MMD: variants seen among roughly 807,000 people sequenced by gnomAD.
MMD encodes monocyte to macrophage differentiation factor.
Under a neutral mutation model 33.6 loss-of-function variants are expected in MMD, and 22 were observed. The observed-to-expected ratio is 0.66, with a 90% CI of 0.47 to 0.94. MMD has a LOEUF of 0.94. MMD is among the 40% of genes least tolerant of loss of function. The pLI is 0.00. For synonymous variants in MMD, 97 were observed against 103.2 expected (o/e 0.94, Z 0.36); for missense variants, 242 against 309.8 (o/e 0.78, Z 1.64).
chr17:55,399,335 C>A (rs1223909876), intron 6 of MMD, among the ~76,000 whole-genome samples: 2 of 152,106 alleles, frequency 1.3e-5, no homozygotes, highest in Non-Finnish European at 2.9e-5. Context: ...TGGCCAGAAC[C>A]AAAGATTCGC....
rs534220246 is a variant in MMD at position 55,394,582 on chromosome 17, T to C, written c.517-48A>G. On this transcript the variant is annotated intron_variant, in intron 6 of 6. Transcript: ENST00000262065. ...AAAAAGGGTTTGATGTTACTCTGCA[T>C]GGCAAGCTACAGATAACTGTAATTC... The C allele has an allele frequency of 7.5e-6, 10 of 1,341,908 alleles. No homozygotes were observed. In the East Asian group the frequency reaches 1.1e-4, roughly 15 times the overall value. 83.1% of individuals were successfully genotyped at this position (1,341,908 alleles called of 1,614,324 possible).
intron 6 of MMD, among the ~76,000 whole-genome samples, 174 bp from the exon 7 acceptor site, chr17:55,394,708 A>C (rs1907038063): frequency 6.6e-6 from 1 of 152,226 alleles, no homozygotes; most frequent in Non-Finnish European, 1.5e-5. Flanking sequence ...TTATACATCG[A>C]CCTGGATTGC....
intron 3 of MMD, among the ~76,000 whole-genome samples, chr17:55,408,524 G>A (rs1907644064): frequency 6.6e-6 from 1 of 152,152 alleles, no homozygotes; most frequent in Non-Finnish European, 1.5e-5. Context: ...TGGATTAGAT[G>A]GAATTTGCCC....
rs1025720067 is a variant in MMD, at chr17:55,401,255, G to A, written c.516+214C>T. On this transcript the variant is annotated intron_variant, in intron 6 of 6. Transcript: ENST00000262065. The stretch of plus-strand genomic sequence containing the variant: ...CACAGCCTCAACCTCCTGGGCTCAA[G>A]CAATCCTCCTGCCTCAGCCTCCCAT... Among the ~76,000 whole-genome samples the A allele has an allele frequency of 2.0e-5, 3 of 152,290 alleles. No individual in the cohort carries two copies. In the South Asian group the frequency reaches 6.2e-4, roughly 32 times the overall value.
intron 1 of MMD, among the ~76,000 whole-genome samples, chr17:55,418,501 C>T (rs751047524): frequency 6.6e-6 from 1 of 152,196 alleles, no homozygotes; most frequent in South Asian, 2.1e-4. Context: ...AAGAGAACCC[C>T]GAATCTCACA....
At chr17:55,412,051 T>C (rs556196211) in intron 2 of MMD, among the ~76,000 whole-genome samples, 1 of 152,308 alleles carries the variant, frequency 6.6e-6, no homozygotes, top group East Asian at 1.9e-4. Flanking sequence ...AACTCCAACC[T>C]GGGAGGCAGA....
intron 5 of MMD, 92 bp downstream of exon 5, chr17:55,403,675 T>C: frequency 1.2e-6 from 1 of 834,850 alleles, no homozygotes; most frequent in South Asian, 1.8e-5. Context: ...TCTACTGTTT[T>C]GAAGTACAAA....
chr17:55,408,275 C>G lies in MMD; in HGVS notation c.270-455G>C, dbSNP rs192455881. Among the ~76,000 whole-genome samples, 355 of 152,274 alleles carry G rather than the reference C, an allele frequency of 2.3e-3. 1 individual carries two copies. Among genetic ancestry groups the G allele is most frequent in the African/African-American group, 8.4e-3 (348 of 41,556 alleles). On this transcript the variant is annotated intron_variant, in intron 3 of 6. Coordinates refer to ENST00000262065, the MANE Select transcript of MMD (RefSeq NM_012329.3). The stretch of plus-strand genomic sequence containing the variant: ...ACACTCCCTGAGCTGAAATCACATT[C>G]TTTGTGTCTTTTTAGAAGGTATTTA...
chr17:55,403,920 TC>T, intron 4 of MMD, 52 bp from the exon 5 acceptor site: 1 of 1,372,690 alleles, frequency 7.3e-7, no homozygotes, highest in East Asian at 2.3e-5. Flanking sequence ...TGAAGGGAAT[TC>T]ATAGAACCTG....
At chr17:55,406,800 C>A (rs1907566054) in intron 4 of MMD, among the ~76,000 whole-genome samples, 1 of 152,116 alleles carries the variant, frequency 6.6e-6, no homozygotes, top group Admixed American at 6.5e-5. Flanking sequence ...GTGGGAGAAT[C>A]ACTTGAATCT....
At chr17:55,406,146 G>T (rs997803546) in intron 4 of MMD, among the ~76,000 whole-genome samples, 1 of 152,314 alleles carries the variant, frequency 6.6e-6, no homozygotes. Context: ...TGTAATCCCA[G>T]CACTTTGGGA....
intron 6 of MMD, among the ~76,000 whole-genome samples, chr17:55,395,111 T>C (rs1467910700): frequency 6.6e-6 from 1 of 152,224 alleles, no homozygotes; most frequent in Non-Finnish European, 1.5e-5. Flanking sequence ...ACAAGATATT[T>C]CCTAGCCTTC....
Position 55,394,354 on chromosome 17 carries a change from C to A in MMD, c.697G>T (p.Asp233Tyr). The A allele has an allele frequency of 7.1e-7, 1 of 1,402,424 alleles. No individual in the cohort carries two copies. The highest frequency in any genetic ancestry group is 1.9e-5 in the South Asian group (1 of 53,366). 86.9% of individuals were successfully genotyped at this position (1,402,424 alleles called of 1,614,324 possible). Residue 233 changes from aspartate (D) to tyrosine (Y), a missense_variant, in exon 7 of 7, where the codon GAC becomes TAC. Transcript: ENST00000262065. Reference protein sequence around the residue: ...IWKYLYRSPTDFMRHL With the variant: ...IWKYLYRSPTYFMRHL ...ATTGGTCATAAATGCCGCATAAAGT[C>A]CGTAGGACTTCGGTAAAGGTATTTC...
chr17:55,398,124 A>AG (rs1555615075), intron 6 of MMD, among the ~76,000 whole-genome samples: 2 of 150,918 alleles, frequency 1.3e-5, no homozygotes, highest in East Asian at 1.9e-4. Flanking sequence ...AAAAAAAAAA[A>AG]AAAAAGAAAA....
intron 5 of MMD, among the ~76,000 whole-genome samples, chr17:55,402,695 A>G (rs898175173): frequency 6.6e-6 from 1 of 152,220 alleles, no homozygotes; most frequent in Non-Finnish European, 1.5e-5. Flanking sequence ...AGGAGAAAAG[A>G]TAGTTGCCTT....
chr17:55,421,652 G>A lies in MMD; in HGVS notation c.26+18C>T. 1.3e-6 allele frequency: 2 copies of A among 1,599,894 alleles called. No homozygotes were observed. Among genetic ancestry groups the A allele is most frequent in the Non-Finnish European group, 1.7e-6 (2 of 1,174,146 alleles). On this transcript the variant is annotated intron_variant, in intron 1 of 6. Coordinates refer to ENST00000262065, the MANE Select transcript of MMD (RefSeq NM_012329.3). ...GCTTCTGACACGGGCAGCGGGACCGGGACGCCATCCCTCTCACCGCTGGAA... is the reference window on the plus strand; with the variant it reads ...GCTTCTGACACGGGCAGCGGGACCGAGACGCCATCCCTCTCACCGCTGGAA...
intron 4 of MMD, among the ~76,000 whole-genome samples, chr17:55,407,367 A>G (rs1907596449): frequency 6.6e-6 from 1 of 151,990 alleles, no homozygotes; most frequent in Non-Finnish European, 1.5e-5. Context: ...TTCCTCATAC[A>G]TATTTACAGC....
intron 1 of MMD, among the ~76,000 whole-genome samples, chr17:55,415,120 G>A: frequency 6.6e-6 from 1 of 152,122 alleles, no homozygotes; most frequent in East Asian, 1.9e-4. Context: ...TATGCTGAGT[G>A]AGGATGCCCT....
At chr17:55,402,476 G>T (rs891410374) in intron 5 of MMD, among the ~76,000 whole-genome samples, 5 of 152,168 alleles carry the variant, frequency 3.3e-5, no homozygotes, top group Non-Finnish European at 7.3e-5. Context: ...GCTCCTCAAA[G>T]GCAGGAACCA....
Sources: gnomAD v4.1 joint callset for allele counts (sites outside exome capture counted in the v4.1 genomes callset) on GRCh38, gnomAD v4.1.1 for gene constraint, MANE v1.5 for transcripts, NCBI Gene and HGNC (gene_info 2026-07-23, HGNC 2026-07-21) for gene names.